RELN: variants seen among roughly 807,000 people sequenced by gnomAD.
RELN encodes the protein reelin.
In RELN, 108 loss-of-function variants were observed where a neutral mutation model predicts 427.6. The ratio of observed to expected loss-of-function variants is 0.25; its 90% CI spans 0.22 to 0.30. The LOEUF (loss-of-function observed/expected upper bound fraction) is 0.30, where lower values mean the gene tolerates loss of function less well. Among genes scored for constraint, RELN ranks in the 10% least tolerant of loss-of-function variants. The pLI, the probability that RELN is intolerant of heterozygous loss-of-function variation, is 1.00. For synonymous variants in RELN, 1,524 were observed against 1,513.4 expected (o/e 1.01, Z -0.16); for missense variants, 3,715 against 4,302.8 (o/e 0.86, Z 3.82).
At chr7:103,740,965 G>A (rs1420787541) in intron 6 of RELN, among the ~76,000 whole-genome samples, 2 of 152,168 alleles carry the variant, frequency 1.3e-5, no homozygotes, top group Admixed American at 6.5e-5. Context: ...GCATACCCAG[G>A]CACTTTGCTT....
intron 60 of RELN, among the ~76,000 whole-genome samples, chr7:103,488,246 T>C (rs1828514855): frequency 6.6e-6 from 1 of 152,218 alleles, no homozygotes; most frequent in South Asian, 2.1e-4. Context: ...ATTACTGGCA[T>C]TTAAGTAAGA....
At position 103,566,724 on chromosome 7, in the gene RELN, G is replaced by C. The variant is rs752389578; in HGVS notation, c.4624C>G (p.Leu1542Val). 11 of 1,614,094 alleles carry C rather than the reference G, an allele frequency of 6.8e-6. No individual in the cohort carries two copies. The South Asian group carries it at 1.1e-4, about 16-fold the overall frequency. Residue 1542 changes from leucine (L) to valine (V), a missense_variant, in exon 32 of 65, where the codon CTC becomes GTC. Coordinates refer to ENST00000428762, the MANE Select transcript of RELN (RefSeq NM_005045.4). ...IVQYSNDNGI[L>V]WHLLRELDFM... ...TCCAACTCTCGAAGCAAATGCCAGA[G>C]TATCCCATTGTCATTTGAATACTGA...
intron 4 of RELN, among the ~76,000 whole-genome samples, chr7:103,765,128 G>A (rs1161615700): frequency 1.3e-5 from 2 of 152,152 alleles, no homozygotes; most frequent in Non-Finnish European, 2.9e-5. Flanking sequence ...GGGGGTACCC[G>A]AAGTTCAGGA....
At chr7:103,535,263 T>G in intron 46 of RELN, 53 bp downstream of exon 46, 1 of 1,542,880 alleles carries the variant, frequency 6.5e-7, no homozygotes, top group Non-Finnish European at 9.0e-7. Context: ...TGTTATCACA[T>G]TTGGGCTCAC....
At chr7:103,537,966 G>A (rs1830091942) in intron 45 of RELN, among the ~76,000 whole-genome samples, 1 of 152,136 alleles carries the variant, frequency 6.6e-6, no homozygotes, top group Non-Finnish European at 1.5e-5. Flanking sequence ...ATTACATTTT[G>A]TATCAGCACT....
chr7:103,884,062 T>C (rs1382458026), intron 2 of RELN, among the ~76,000 whole-genome samples: 2 of 152,160 alleles, frequency 1.3e-5, no homozygotes, highest in East Asian at 1.9e-4. Flanking sequence ...AAAAACAGCA[T>C]GGTACTGGTA....
At chr7:103,721,307 G>C (rs1790069703) in intron 8 of RELN, among the ~76,000 whole-genome samples, 1 of 150,966 alleles carries the variant, frequency 6.6e-6, no homozygotes, top group Admixed American at 6.6e-5. Flanking sequence ...TCTTCCAGCA[G>C]GATTCAAATC....
intron 24 of RELN, among the ~76,000 whole-genome samples, chr7:103,599,187 A>T (rs1304032001): frequency 6.6e-6 from 1 of 152,212 alleles, no homozygotes; most frequent in Non-Finnish European, 1.5e-5. Context: ...CTAGAAAGCA[A>T]TTCTATTTAC....
intron 1 of RELN, among the ~76,000 whole-genome samples, chr7:103,987,419 G>A (rs980962097): frequency 6.6e-6 from 1 of 152,052 alleles, no homozygotes; most frequent in African/African-American, 2.4e-5. Context: ...AAAACCAAAG[G>A]GTGTATGATA....
intron 2 of RELN, among the ~76,000 whole-genome samples, chr7:103,841,173 T>C (rs934504271): frequency 1.3e-5 from 2 of 152,194 alleles, no homozygotes; most frequent in African/African-American, 4.8e-5. Context: ...TTGACAACTT[T>C]TTTGAGTAAG....
intron 8 of RELN, among the ~76,000 whole-genome samples, chr7:103,713,093 T>C (rs1382662283): frequency 6.6e-6 from 1 of 152,104 alleles, no homozygotes; most frequent in East Asian, 1.9e-4. Flanking sequence ...TCTCACAGAA[T>C]TTATAGATGG....
intron 20 of RELN, among the ~76,000 whole-genome samples, chr7:103,621,960 G>A (rs1832229215): frequency 6.6e-6 from 1 of 152,182 alleles, no homozygotes; most frequent in Non-Finnish European, 1.5e-5. Flanking sequence ...AGGTTGTAGT[G>A]AGCTGAGATC....
chr7:103,753,723 T>C (rs1230814685), intron 4 of RELN, among the ~76,000 whole-genome samples: 1 of 152,208 alleles, frequency 6.6e-6, no homozygotes, highest in Non-Finnish European at 1.5e-5. Context: ...CTAACGTGAA[T>C]TGTGTCTCCA....
Position 103,561,918 on chromosome 7 carries a change from T to C in RELN, c.5246A>G (p.Asn1749Ser), listed in dbSNP as rs755596079. 191 of 1,607,654 alleles carry C rather than the reference T, an allele frequency of 1.2e-4. No individual in the cohort carries two copies. The highest frequency in any genetic ancestry group is 1.6e-4 in the Non-Finnish European group (184 of 1,178,106). Residue 1749 changes from asparagine to serine, a missense_variant, in exon 35 of 65, where the codon AAC (asparagine) becomes AGC (serine). By Grantham distance (46) the Asn-to-Ser change is conservative. Transcript: ENST00000428762. ...CCAGGAATCAGCCCCCACAGTGTAGTTGGCCTGAATCCATCTGAACCGGGT... is the reference window on the plus strand; with the variant it reads ...CCAGGAATCAGCCCCCACAGTGTAGCTGGCCTGAATCCATCTGAACCGGGT... Reference protein sequence around the residue: ...PRTRFRWIQANYTVGADSWAI... With the variant: ...PRTRFRWIQASYTVGADSWAI...
chr7:103,768,295 A>G (rs1038129808), intron 4 of RELN, among the ~76,000 whole-genome samples: 6 of 152,132 alleles, frequency 3.9e-5, no homozygotes, highest in Non-Finnish European at 7.4e-5. Context: ...CTCCTTGTCT[A>G]CACCATGACA....
At chr7:103,583,191 C>T (rs757731753) in intron 28 of RELN, among the ~76,000 whole-genome samples, 2 of 152,188 alleles carry the variant, frequency 1.3e-5, no homozygotes, top group Non-Finnish European at 2.9e-5. Flanking sequence ...CTGAGAATTA[C>T]ACCATTGGCT....
At chr7:103,657,386 A>G (rs1833044182) in intron 12 of RELN, among the ~76,000 whole-genome samples, 2 of 152,050 alleles carry the variant, frequency 1.3e-5, no homozygotes, top group African/African-American at 2.4e-5. Context: ...ATAAATACGT[A>G]TATATGACAA....
chr7:103,792,345 A>T (rs1268940407), intron 3 of RELN, among the ~76,000 whole-genome samples: 1 of 152,242 alleles, frequency 6.6e-6, no homozygotes, highest in East Asian at 1.9e-4. Context: ...GATTGGCTAA[A>T]TAAAATGTGG....
In RELN at chr7:103,835,335, G is replaced by A. The variant is rs1440806154; in HGVS notation, c.338-1663C>T. On this transcript the variant is annotated intron_variant, in intron 2 of 64. Transcript: ENST00000428762. ...GAAAGGGCACAGAGGATTCTTAAGGGAACGAAACTACTCTGTATGATACCG... is the reference window on the plus strand; with the variant it reads ...GAAAGGGCACAGAGGATTCTTAAGGAAACGAAACTACTCTGTATGATACCG... 2.0e-5 allele frequency among the ~76,000 whole-genome samples: 3 copies of A among 152,260 alleles called. No homozygotes were observed. The East Asian group carries it at 5.8e-4, about 29-fold the overall frequency.
Sources: gnomAD v4.1 joint callset for allele counts (sites outside exome capture counted in the v4.1 genomes callset) on GRCh38, gnomAD v4.1.1 for gene constraint, MANE v1.5 for transcripts, NCBI Gene and HGNC (gene_info 2026-07-23, HGNC 2026-07-21) for gene names.